The following PRKN variants were observed in gnomAD, a reference collection of about 807,000 sequenced individuals.
PRKN encodes the protein E3 ubiquitin-protein ligase parkin.
A neutral mutation model predicts 59.5 loss-of-function variants in PRKN; 56 were observed. The observed-to-expected ratio is 0.94, with a 90% CI of 0.76 to 1.18. The LOEUF (loss-of-function observed/expected upper bound fraction) is 1.18, where lower values mean the gene tolerates loss of function less well. Ranked by LOEUF, PRKN falls within the 50% of genes most tolerant of loss-of-function variation. The pLI, the probability that PRKN is intolerant of heterozygous loss-of-function variation, is 0.00. For missense variants in PRKN, 657 were observed against 596.4 expected, an observed-to-expected ratio of 1.10 and a Z score of -1.06; for synonymous variants, 250 against 222.1, an observed-to-expected ratio of 1.13 and a Z score of -1.12.
intron 3 of PRKN, among the ~76,000 whole-genome samples, chr6:162,211,582 G>A (rs1324106173): frequency 6.6e-6 from 1 of 152,054 alleles, no homozygotes; most frequent in Non-Finnish European, 1.5e-5. Context: ...AACCCTCAGA[G>A]GAATGGCATT....
rs897410460 is a variant in PRKN at position 161,460,030 on chromosome 6, C to G, written c.1084-73153G>C. ...TCCATCCATCAGTCCATCCATCCAT[C>G]CATTCATCCAACCATTCAACTTTTA... On this transcript the variant is annotated intron_variant, in intron 9 of 11. Coordinates refer to ENST00000366898, the MANE Select transcript of PRKN (RefSeq NM_004562.3). This position sits in a 1 kb window ranked among gnomAD's most constrained non-coding sequence, Gnocchi z 5.0. Among the ~76,000 whole-genome samples, 2 of 152,212 alleles carry G rather than the reference C, an allele frequency of 1.3e-5. No individual in the cohort carries two copies. Among genetic ancestry groups the G allele is most frequent in the African/African-American group, 4.8e-5 (2 of 41,446 alleles).
Position 161,588,317 on chromosome 6 carries a change from T to C in PRKN, c.872-18901A>G, listed in dbSNP as rs1039514821. On this transcript the variant is annotated intron_variant, in intron 7 of 11. Coordinates refer to ENST00000366898, the MANE Select transcript of PRKN (RefSeq NM_004562.3). This position sits in a 1 kb window ranked among gnomAD's most constrained non-coding sequence, Gnocchi z 5.0. Reference sequence around the variant, plus strand: ...GAGAATTGCCTCAGGAGGAGGCAGGTTGTGGTGAGCCGAAGAGGCGCCACT... The same window carrying C: ...GAGAATTGCCTCAGGAGGAGGCAGGCTGTGGTGAGCCGAAGAGGCGCCACT... Among the ~76,000 whole-genome samples the C allele has an allele frequency of 2.0e-5, 3 of 151,910 alleles. No homozygotes were observed. Among genetic ancestry groups the C allele is most frequent in the Non-Finnish European group, 2.9e-5 (2 of 67,950 alleles).
intron 4 of PRKN, among the ~76,000 whole-genome samples, chr6:162,156,257 T>C (rs1782510460): frequency 6.6e-6 from 1 of 152,148 alleles, no homozygotes; most frequent in Non-Finnish European, 1.5e-5. Flanking sequence ...ACTTGATGTG[T>C]TAGTCAGGGT....
In PRKN at chr6:161,545,358, A is replaced by G. The variant is rs192937103; in HGVS notation, c.1083+3496T>C. On this transcript the variant is annotated intron_variant, in intron 9 of 11. Transcript: ENST00000366898. The surrounding 1 kb of genome is among the most constrained non-coding windows in gnomAD (Gnocchi z 4.1). ...TAATTCTTCTATAGCTTTGCTACCAATGACTTTTCCTTGAACGATGTATTG... is the reference window on the plus strand; with the variant it reads ...TAATTCTTCTATAGCTTTGCTACCAGTGACTTTTCCTTGAACGATGTATTG... The G allele has an allele frequency of 5.4e-5, 87 of 1,610,468 alleles. No homozygotes were observed. Among genetic ancestry groups the G allele is most frequent in the Non-Finnish European group, 6.8e-5 (80 of 1,178,722 alleles).
chr6:161,479,003 C>G (rs1791259050), intron 9 of PRKN, among the ~76,000 whole-genome samples: 1 of 151,794 alleles, frequency 6.6e-6, no homozygotes. Flanking sequence ...ACAATGAAAA[C>G]AATTTATACA....
chr6:162,104,586 C>A (rs150648069), intron 4 of PRKN, among the ~76,000 whole-genome samples: 7 of 151,248 alleles, frequency 4.6e-5, no homozygotes, highest in African/African-American at 1.7e-4. Flanking sequence ...AGTGGATTAC[C>A]AGGAGATTTG....
intron 1 of PRKN, among the ~76,000 whole-genome samples, chr6:162,541,806 T>TAAA (rs1778935401): frequency 6.6e-6 from 1 of 152,148 alleles, no homozygotes; most frequent in African/African-American, 2.4e-5. Context: ...GTATAAGAGT[T>TAAA]AAAAACGAAG....
intron 4 of PRKN, among the ~76,000 whole-genome samples, chr6:162,156,537 G>A (rs1037534180): frequency 6.6e-5 from 10 of 152,172 alleles, no homozygotes; most frequent in African/African-American, 2.4e-4. Flanking sequence ...TCAAGGGCAG[G>A]AAGCATCCAG....
rs955622261 is a variant in PRKN at position 161,409,980 on chromosome 6, C to T, written c.1084-23103G>A. On this transcript the variant is annotated intron_variant, in intron 9 of 11. Transcript: ENST00000366898. The surrounding 1 kb of genome is among the most constrained non-coding windows in gnomAD (Gnocchi z 4.6). Reference sequence around the variant, plus strand: ...TTGAAACAGGAAGATTAAATTCTGTCTCATGTGTATCATGAATAAAAGTGC... The same window carrying T: ...TTGAAACAGGAAGATTAAATTCTGTTTCATGTGTATCATGAATAAAAGTGC... Among the ~76,000 whole-genome samples the T allele has an allele frequency of 2.6e-5, 4 of 152,190 alleles. No homozygotes were observed. Among genetic ancestry groups the T allele is most frequent in the Non-Finnish European group, 5.9e-5 (4 of 68,038 alleles).
At chr6:161,832,653 T>C (rs897850928) in intron 6 of PRKN, among the ~76,000 whole-genome samples, 13 of 144,686 alleles carry the variant, frequency 9.0e-5, no homozygotes, top group Non-Finnish European at 1.8e-4. Context: ...AAGATCAATA[T>C]CAGTGTATAC....
Position 161,444,830 on chromosome 6 carries a change from G to A in PRKN, c.1084-57953C>T, listed in dbSNP as rs180827997. Reference sequence around the variant, plus strand: ...AATGCTTTGAAAAAAGCCTTCCCGTGGTTTTGGCCAGAGGTATTTGTTATC... The same window carrying A: ...AATGCTTTGAAAAAAGCCTTCCCGTAGTTTTGGCCAGAGGTATTTGTTATC... On this transcript the variant is annotated intron_variant, in intron 9 of 11. Transcript: ENST00000366898. The surrounding 1 kb of genome is among the most constrained non-coding windows in gnomAD (Gnocchi z 5.6). Among the ~76,000 whole-genome samples the A allele has an allele frequency of 3.3e-5, 5 of 152,206 alleles. No homozygotes were observed. The highest frequency in any genetic ancestry group is 9.6e-5 in the African/African-American group (4 of 41,528).
At chr6:161,570,850 A>C (rs532488882) in intron 7 of PRKN, among the ~76,000 whole-genome samples, 1 of 152,290 alleles carries the variant, frequency 6.6e-6, no homozygotes, top group African/African-American at 2.4e-5. Context: ...GATATGTAAA[A>C]TTTAGGCCAG....
rs1336770440 is a variant in PRKN at position 161,410,271 on chromosome 6, T to C, written c.1084-23394A>G. ...CTGGTAGCCCTTGTCCCAGAGCTGG[T>C]GGCCTGCTGTGTCCTCCTCCAGTGT... On this transcript the variant is annotated intron_variant, in intron 9 of 11. Coordinates refer to ENST00000366898, the MANE Select transcript of PRKN (RefSeq NM_004562.3). The surrounding 1 kb of genome is among the most constrained non-coding windows in gnomAD (Gnocchi z 5.3). Among the ~76,000 whole-genome samples the C allele has an allele frequency of 6.6e-6, 1 of 152,166 alleles. No homozygotes were observed. The highest frequency in any genetic ancestry group is 1.5e-5 in the Non-Finnish European group (1 of 68,034).
At chr6:162,481,588 A>T (rs994092797) in intron 1 of PRKN, among the ~76,000 whole-genome samples, 2 of 152,226 alleles carry the variant, frequency 1.3e-5, no homozygotes, top group Admixed American at 6.5e-5. Flanking sequence ...CTGGGATGCA[A>T]AAGGGAACAT....
chr6:162,062,665 G>A (rs964741382), intron 4 of PRKN, among the ~76,000 whole-genome samples: 3 of 152,296 alleles, frequency 2.0e-5, no homozygotes, highest in East Asian at 3.9e-4. Context: ...CACCAAGCCT[G>A]CTGACACACG....
chr6:162,113,861 G>A (rs551337649), intron 4 of PRKN, among the ~76,000 whole-genome samples: 116 of 152,176 alleles, frequency 7.6e-4, no homozygotes, highest in African/African-American at 2.6e-3. Flanking sequence ...TAACGTTTAA[G>A]TCTTTAATCC....
chr6:162,517,785 G>A (rs1471156097), intron 1 of PRKN, among the ~76,000 whole-genome samples: 1 of 152,032 alleles, frequency 6.6e-6, no homozygotes, highest in Non-Finnish European at 1.5e-5. Context: ...AAAAAACTGG[G>A]TTTTATGTTA....
intron 1 of PRKN, among the ~76,000 whole-genome samples, chr6:162,541,680 A>G (rs1161490363): frequency 6.6e-6 from 1 of 152,172 alleles, no homozygotes; most frequent in Non-Finnish European, 1.5e-5. Flanking sequence ...ATAGTTTGGC[A>G]TCCCTCCTCT....
chr6:161,733,990 A>G (rs976879630), intron 7 of PRKN, among the ~76,000 whole-genome samples: 1 of 146,172 alleles, frequency 6.8e-6, no homozygotes, highest in Non-Finnish European at 1.5e-5. Context: ...ACACACACAC[A>G]CACACACACA....
Sources: gnomAD v4.1 joint callset for allele counts (sites outside exome capture counted in the v4.1 genomes callset) on GRCh38, gnomAD v4.1.1 for gene constraint, Gnocchi (gnomAD v3.1) non-coding constraint, MANE v1.5 for transcripts, NCBI Gene and HGNC (gene_info 2026-07-23, HGNC 2026-07-21) for gene names.